MYO18B: variants seen among roughly 807,000 people sequenced by gnomAD.
MYO18B encodes the protein myosin XVIIIB, also known as unconventional myosin-XVIIIb.
A neutral mutation model predicts 273.0 loss-of-function variants in MYO18B; 204 were observed. The ratio of observed to expected loss-of-function variants is 0.75; its 90% CI spans 0.67 to 0.84. MYO18B has a LOEUF of 0.84. MYO18B is among the 40% of genes least tolerant of loss of function. The probability of loss-of-function intolerance (pLI) is 0.00; values close to 1 mark genes in which losing one functional copy is unlikely to be tolerated. For missense variants in MYO18B, 3,212 were observed against 3,287.6 expected, an observed-to-expected ratio of 0.98 and a Z score of 0.56; for synonymous variants, 1,330 against 1,305.7, an observed-to-expected ratio of 1.02 and a Z score of -0.40.
At chr22:25,992,241 A>T (rs774324211) in intron 39 of MYO18B, 122 bp from the exon 40 acceptor site, 21 of 1,228,898 alleles carry the variant, frequency 1.7e-5, no homozygotes, top group Non-Finnish European at 2.4e-5. Context: ...CGGAGAACTT[A>T]CCACTTCATA....
At chr22:25,901,740 G>C (rs1041505430) in intron 29 of MYO18B, among the ~76,000 whole-genome samples, 1 of 151,812 alleles carries the variant, frequency 6.6e-6, no homozygotes, top group Non-Finnish European at 1.5e-5. Context: ...AAGTCAAATG[G>C]GGCCTGGTAG....
Position 26,027,544 on chromosome 22 carries a change from A to G in MYO18B, c.7570A>G (p.Ile2524Val), listed in dbSNP as rs763394451. The G allele has an allele frequency of 8.1e-6, 13 of 1,613,854 alleles. No homozygotes were observed. In the South Asian group the frequency reaches 1.4e-4, roughly 18 times the overall value. Residue 2524 changes from isoleucine to valine, a missense_variant, in exon 43 of 44, where the codon ATC becomes GTC. Physicochemically the swap from Ile to Val is conservative, Grantham distance 29 (BLOSUM62 3). Transcript: ENST00000335473. This position sits in a 1 kb window ranked among gnomAD's most constrained non-coding sequence, Gnocchi z 4.1. ...CGTGTCCTTCAAAAGTGCTGACAGC[A>G]TCAAAAGTCGACCAGGAATCCCACG... ...SIVSFKSADS[I>V]KSRPGIPRLA...
At chr22:25,872,054 G>C (rs988878026) in intron 22 of MYO18B, among the ~76,000 whole-genome samples, 6 of 151,904 alleles carry the variant, frequency 3.9e-5, no homozygotes, top group African/African-American at 1.5e-4. Flanking sequence ...AATCTGATAG[G>C]TAATGAGCCA....
Position 26,010,718 on chromosome 22 carries a change from A to G in MYO18B, c.6470+5863A>G, listed in dbSNP as rs1401890720. On this transcript the variant is annotated intron_variant, in intron 42 of 43. Transcript: ENST00000335473. The stretch of plus-strand genomic sequence containing the variant: ...CAGGTAATGCTGCTGTGCCAAAGGC[A>G]TGGATGCTGACAGGCAGGACCAGGG... Among the ~76,000 whole-genome samples the G allele has an allele frequency of 2.0e-5, 3 of 152,140 alleles. No individual in the cohort carries two copies. The East Asian group carries it at 5.8e-4, about 29-fold the overall frequency.
At chr22:25,835,265 G>A (rs2089855020) in intron 16 of MYO18B, 31 bp from the exon 17 acceptor site, 2 of 1,606,498 alleles carry the variant, frequency 1.2e-6, no homozygotes, top group Middle Eastern at 3.3e-4. Context: ...GGGTATCAGG[G>A]CCCTTCAGTG....
In MYO18B at chr22:26,027,674, A is replaced by G; in HGVS notation, c.7700A>G (p.Lys2567Arg). 6.2e-7 allele frequency: 1 copy of G among 1,607,984 alleles called. No homozygotes were observed. The highest frequency in any genetic ancestry group is 1.1e-5 in the South Asian group (1 of 89,780). The change falls in exon 43 of 44, where the codon AAG becomes AGG. Residue 2567 changes from lysine to arginine, a missense_variant. Coordinates refer to ENST00000335473, the MANE Select transcript of MYO18B (RefSeq NM_032608.7). This position sits in a 1 kb window ranked among gnomAD's most constrained non-coding sequence, Gnocchi z 4.1. Reference protein sequence around the residue: ...VASIMKKYLQK With the variant: ...VASIMKKYLQR Reference sequence around the variant, plus strand: ...AGCATAATGAAGAAATACCTCCAGAAGTAGGAACCAGTTCAGGTAAAAGCA... The same window carrying G: ...AGCATAATGAAGAAATACCTCCAGAGGTAGGAACCAGTTCAGGTAAAAGCA...
At chr22:25,912,386 T>C (rs770645503) in intron 33 of MYO18B, among the ~76,000 whole-genome samples, 5 of 152,208 alleles carry the variant, frequency 3.3e-5, no homozygotes, top group Admixed American at 6.5e-5. Context: ...GCGAGAAGGT[T>C]GCATTCTATT....
intron 34 of MYO18B, among the ~76,000 whole-genome samples, chr22:25,936,097 C>T (rs1320567256): frequency 1.3e-5 from 2 of 152,198 alleles, no homozygotes; most frequent in Non-Finnish European, 2.9e-5. Context: ...GACGTGGAGG[C>T]ACAAGACCTG....
At chr22:25,890,684 T>G (rs1268593360) in intron 25 of MYO18B, 72 bp from the exon 26 acceptor site, 1 of 1,579,230 alleles carries the variant, frequency 6.3e-7, no homozygotes, top group Non-Finnish European at 8.6e-7. Flanking sequence ...AAGGCGATCC[T>G]GTGCATGGGG....
Position 25,826,483 on chromosome 22 carries a change from G to T in MYO18B, c.2770G>T (p.Val924Phe). ...GLYQELFAAV[V>F]SLINRSFSSH... ...GTACCAGGAACTCTTTGCGGCTGTG[G>T]TCTCACTCATCAACAGGTAACGGGG... The change falls in exon 14 of 44, where the codon GTC becomes TTC. Residue 924 changes from valine to phenylalanine, a missense_variant. Val to Phe is a conservative substitution (Grantham distance 50). Coordinates refer to ENST00000335473, the MANE Select transcript of MYO18B (RefSeq NM_032608.7). The T allele has an allele frequency of 6.2e-7, 1 of 1,613,808 alleles. No individual in the cohort carries two copies. Among genetic ancestry groups the T allele is most frequent in the Non-Finnish European group, 8.5e-7 (1 of 1,179,732 alleles).
At chr22:25,934,090 A>G (rs966937912) in intron 34 of MYO18B, among the ~76,000 whole-genome samples, 2 of 152,178 alleles carry the variant, frequency 1.3e-5, no homozygotes, top group Admixed American at 1.3e-4. Context: ...TCACCTTTTC[A>G]AAGTATATCA....
chr22:26,045,350 G>T, the MYO18B span, among the ~76,000 whole-genome samples: 804 of 150,536 alleles, frequency 5.3e-3, 4 homozygotes, highest in Non-Finnish European at 8.8e-3. Context: ...CGTAGATGGA[G>T]TTAGGAGTAC....
intron 43 of MYO18B, among the ~76,000 whole-genome samples, chr22:26,030,067 A>G (rs551461050): frequency 6.6e-6 from 1 of 152,202 alleles, no homozygotes; most frequent in Admixed American, 6.5e-5. Context: ...CATTGTCTCT[A>G]TCAAAATGTA....
At chr22:25,990,571 C>T (rs1029171162) in intron 39 of MYO18B, among the ~76,000 whole-genome samples, 1 of 151,328 alleles carries the variant, frequency 6.6e-6, no homozygotes, top group East Asian at 1.9e-4. Flanking sequence ...CCTGTAATCC[C>T]ATCTACTTGG....
the MYO18B span, among the ~76,000 whole-genome samples, chr22:26,053,732 A>C: frequency 6.6e-6 from 1 of 152,210 alleles, no homozygotes; most frequent in Non-Finnish European, 1.5e-5. Flanking sequence ...ACCCAGTGAC[A>C]TGGAGTTGAG....
chr22:25,844,757 T>C (rs2146003491), intron 18 of MYO18B, among the ~76,000 whole-genome samples: 1 of 152,016 alleles, frequency 6.6e-6, no homozygotes, highest in East Asian at 1.9e-4. Flanking sequence ...CATCCAGGAG[T>C]GGGGCTCGTG....
intron 34 of MYO18B, among the ~76,000 whole-genome samples, chr22:25,929,853 AC>A (rs2092472706): frequency 6.6e-6 from 1 of 152,114 alleles, no homozygotes; most frequent in African/African-American, 2.4e-5. Flanking sequence ...CAATCTTTGT[AC>A]CGTCTGATCT....
intron 25 of MYO18B, among the ~76,000 whole-genome samples, chr22:25,878,532 A>G (rs2091260218): frequency 6.6e-6 from 1 of 152,240 alleles, no homozygotes; most frequent in South Asian, 2.1e-4. Context: ...ACGGAAAAAC[A>G]AATATGAGCC....
chr22:25,768,545 C>A lies in MYO18B; in HGVS notation c.629C>A (p.Ala210Asp). 6.5e-7 allele frequency: 1 copy of A among 1,545,318 alleles called. No homozygotes were observed. Among genetic ancestry groups the A allele is most frequent in the South Asian group, 1.3e-5 (1 of 78,098 alleles). ...CGSQASTEILAPKAEKTRTGG... is the reference protein window; with the variant it reads ...CGSQASTEILDPKAEKTRTGG... ...TCCCAGGCCAGCACCGAGATCTTGG[C>A]CCCGAAAGCTGAGAAGACCCGGACT... The change falls in exon 4 of 44, where the codon GCC becomes GAC. Residue 210 changes from alanine (A) to aspartate (D), a missense_variant. Coordinates refer to ENST00000335473, the MANE Select transcript of MYO18B (RefSeq NM_032608.7).
Sources: allele counts gnomAD v4.1 joint callset (sites outside exome capture counted in the v4.1 genomes callset), GRCh38; gene constraint gnomAD v4.1.1; non-coding constraint Gnocchi (gnomAD v3.1); transcripts MANE v1.5; gene names NCBI Gene and HGNC (gene_info 2026-07-23, HGNC 2026-07-21).